TPH2: variants seen among roughly 807,000 people sequenced by gnomAD.
TPH2 encodes the protein tryptophan hydroxylase 2, also known as tryptophan 5-hydroxylase 2.
TPH2 carries 27 observed loss-of-function variants against 59.1 expected under a neutral mutation model. That is an observed-to-expected ratio of 0.46 (90% confidence interval 0.34 to 0.63). The LOEUF is 0.63. TPH2 is among the 30% of genes least tolerant of loss of function. The pLI is 0.01. For missense variants in TPH2, 523 were observed against 588.3 expected, an observed-to-expected ratio of 0.89 and a Z score of 1.15; for synonymous variants, 220 against 210.5, an observed-to-expected ratio of 1.05 and a Z score of -0.39.
intron 5 of TPH2, among the ~76,000 whole-genome samples, chr12:71,959,273 T>C (rs894743435): frequency 1.3e-5 from 2 of 152,196 alleles, no homozygotes; most frequent in Admixed American, 6.5e-5. Context: ...CTCAGTTTCC[T>C]CTTTCACTAG....
At chr12:71,970,127 G>A (rs1871932051) in intron 5 of TPH2, among the ~76,000 whole-genome samples, 1 of 152,188 alleles carries the variant, frequency 6.6e-6, no homozygotes, top group Admixed American at 6.5e-5. Flanking sequence ...TTTACTTTGA[G>A]ATCAAATTGA....
intron 5 of TPH2, 120 bp from the exon 6 acceptor site, chr12:71,972,399 T>C: frequency 1.1e-6 from 1 of 932,352 alleles, no homozygotes; most frequent in Non-Finnish European, 1.8e-6. Flanking sequence ...AATGGGATCC[T>C]TTCAGACGCT....
intron 6 of TPH2, among the ~76,000 whole-genome samples, chr12:71,977,351 C>T (rs1453858222): frequency 1.3e-5 from 2 of 152,074 alleles, no homozygotes; most frequent in Non-Finnish European, 2.9e-5. Context: ...GCCACAGTGC[C>T]TGGTAATCTA....
intron 7 of TPH2, among the ~76,000 whole-genome samples, chr12:71,992,501 G>T (rs1288086571): frequency 6.6e-6 from 1 of 151,838 alleles, no homozygotes; most frequent in Admixed American, 6.6e-5. Flanking sequence ...CTACTTGAGG[G>T]GCTGAGGTGG....
chr12:72,029,361 C>T (rs968856802), intron 9 of TPH2, among the ~76,000 whole-genome samples: 3 of 152,172 alleles, frequency 2.0e-5, no homozygotes, highest in South Asian at 4.1e-4. Flanking sequence ...TCCATATGTA[C>T]TGATGGATGA....
In TPH2 at chr12:72,031,242, G is replaced by A; in HGVS notation, c.1165-16G>A. 3.1e-6 allele frequency: 5 copies of A among 1,613,188 alleles called. No individual in the cohort carries two copies. The East Asian group carries it at 1.1e-4, about 36-fold the overall frequency. ...CTCATTACAGAGTTTAACAGGTTTT[G>A]TGGTATATTTTGCAGCACGCCCTTT... On this transcript the variant is annotated splice_polypyrimidine_tract_variant and intron_variant, in intron 9 of 10. Transcript: ENST00000333850.
intron 4 of TPH2, among the ~76,000 whole-genome samples, chr12:71,945,037 T>C (rs1292244501): frequency 6.6e-6 from 1 of 152,160 alleles, no homozygotes; most frequent in South Asian, 2.1e-4. Context: ...TCTGGGAAAC[T>C]AGGGAGGACT....
At chr12:71,984,615 G>A (rs563387528) in intron 7 of TPH2, among the ~76,000 whole-genome samples, 2 of 152,304 alleles carry the variant, frequency 1.3e-5, no homozygotes, top group African/African-American at 4.8e-5. Flanking sequence ...ATGCCCACGA[G>A]CTGTGTTTAG....
intron 6 of TPH2, among the ~76,000 whole-genome samples, chr12:71,974,684 G>A (rs1163896248): frequency 6.6e-6 from 1 of 152,130 alleles, no homozygotes; most frequent in Non-Finnish European, 1.5e-5. Flanking sequence ...TCCTTGGGGG[G>A]CCATTACTTA....
chr12:71,959,866 C>T (rs1871629333), intron 5 of TPH2, among the ~76,000 whole-genome samples: 1 of 152,030 alleles, frequency 6.6e-6, no homozygotes, highest in Admixed American at 6.6e-5. Context: ...CAGGTGGTCA[C>T]CTTGATGAAT....
intron 7 of TPH2, among the ~76,000 whole-genome samples, chr12:71,992,621 T>A (rs1198039791): frequency 1.3e-5 from 2 of 152,132 alleles, no homozygotes; most frequent in Non-Finnish European, 2.9e-5. Flanking sequence ...AAAGTCTCTG[T>A]CTTTGCCAAA....
rs145650002 is a variant in TPH2 at position 71,951,380 on chromosome 12, A to T, written c.608+1725A>T. On this transcript the variant is annotated intron_variant, in intron 5 of 10. Coordinates refer to ENST00000333850, the MANE Select transcript of TPH2 (RefSeq NM_173353.4). ...CAGGGCAGTTCTTTGTAGCATGACCAGCCAGAACATGGTAGAAGCTCAATG... is the reference window on the plus strand; with the variant it reads ...CAGGGCAGTTCTTTGTAGCATGACCTGCCAGAACATGGTAGAAGCTCAATG... Among the ~76,000 whole-genome samples, 136 of 152,320 alleles carry T rather than the reference A, an allele frequency of 8.9e-4. 4 individuals carry two copies. In the East Asian group the frequency reaches 0.014, roughly 16 times the overall value.
At chr12:72,000,227 A>T (rs1029327520) in intron 8 of TPH2, among the ~76,000 whole-genome samples, 1 of 152,366 alleles carries the variant, frequency 6.6e-6, no homozygotes. Context: ...CTACAGGGCA[A>T]TAAAACCATA....
rs532719315 is a variant in TPH2, at chr12:71,994,565, G to A, written c.1068G>A (p.Thr356=). The stretch of plus-strand genomic sequence containing the variant: ...ATGAAGATGTTCAGAAACTAGCCAC[G>A]GTGAGTTCATTTTCAACTTAAAACC... ...ASDEDVQKLA[T]CYFFTIEFGL... is the part of the protein sequence containing the mutation. The change falls in exon 8 of 11, where the codon ACG becomes ACA. Residue 356 remains threonine (T), a splice_region_variant and synonymous_variant. Transcript: ENST00000333850. 5.0e-6 allele frequency: 8 copies of A among 1,613,636 alleles called. No homozygotes were observed. Among genetic ancestry groups the A allele is most frequent in the East Asian group, 4.5e-5 (2 of 44,844 alleles).
chr12:72,005,762 CTTCT>C (rs2139231478), intron 8 of TPH2, among the ~76,000 whole-genome samples: 1 of 152,156 alleles, frequency 6.6e-6, no homozygotes, highest in South Asian at 2.1e-4. Context: ...TTTGCTTTTC[CTTCT>C]TTGTTTTGAG....
chr12:71,964,431 C>T lies in TPH2; in HGVS notation c.609-8088C>T, dbSNP rs191317876. 8.9e-4 allele frequency: 802 copies of T among 903,570 alleles called. 3 individuals carry two copies. Among genetic ancestry groups the T allele is most frequent in the African/African-American group, 4.6e-3 (255 of 55,014 alleles). The allele number at this position is 903,570 out of a possible 1,614,324, so 56.0% of individuals were successfully genotyped here. On this transcript the variant is annotated intron_variant, in intron 5 of 10. Transcript: ENST00000333850. Reference sequence around the variant, plus strand: ...TCTAGTAGCTGGAATTATAGGCACACGCCACCATGCCCGGTTAATTTTAGT... The same window carrying T: ...TCTAGTAGCTGGAATTATAGGCACATGCCACCATGCCCGGTTAATTTTAGT...
intron 4 of TPH2, among the ~76,000 whole-genome samples, chr12:71,947,103 G>T (rs377630114): frequency 1.3e-5 from 2 of 152,290 alleles, no homozygotes; most frequent in South Asian, 4.1e-4. Flanking sequence ...CCAGGAATCT[G>T]CATTTCAAGG....
At chr12:71,941,978 G>A (rs1188848927) in intron 2 of TPH2, among the ~76,000 whole-genome samples, 5 of 152,156 alleles carry the variant, frequency 3.3e-5, no homozygotes, top group African/African-American at 1.2e-4. Context: ...CTATTGCCAG[G>A]TTAGGAGGTC....
At chr12:71,983,729 CAG>C in intron 7 of TPH2, among the ~76,000 whole-genome samples, 1 of 151,322 alleles carries the variant, frequency 6.6e-6, no homozygotes, top group East Asian at 1.9e-4. Flanking sequence ...GAGAGTCAGG[CAG>C]AGAGAGAAAG....
Sources: gnomAD v4.1 joint callset for allele counts (sites outside exome capture counted in the v4.1 genomes callset) on GRCh38, gnomAD v4.1.1 for gene constraint, MANE v1.5 for transcripts, NCBI Gene and HGNC (gene_info 2026-07-23, HGNC 2026-07-21) for gene names.